The following CABYR variants were observed in gnomAD, a reference collection of about 807,000 sequenced individuals.
The protein encoded by CABYR is calcium binding tyrosine phosphorylation regulated.
Under a neutral mutation model 36.1 loss-of-function variants are expected in CABYR, and 31 were observed. The observed-to-expected ratio is 0.86, with a 90% CI of 0.64 to 1.16. The LOEUF (loss-of-function observed/expected upper bound fraction) is 1.16. CABYR is among the 50% of genes most tolerant of loss of function. CABYR has a pLI of 0.00. For synonymous variants in CABYR, 146 were observed against 160.7 expected (o/e 0.91, Z 0.69); for missense variants, 429 against 455.8 (o/e 0.94, Z 0.53).
intron 4 of CABYR, among the ~76,000 whole-genome samples, chr18:24,157,491 T>C (rs2085821609): frequency 6.6e-6 from 1 of 152,120 alleles, no homozygotes; most frequent in Non-Finnish European, 1.5e-5. Flanking sequence ...GTAACCAGGT[T>C]TGGGGTGCTG....
chr18:24,140,396 G>C (rs2085283741), intron 1 of CABYR: 1 of 152,106 alleles, frequency 6.6e-6, no homozygotes, highest in African/African-American at 2.4e-5. Flanking sequence ...GTGGGACTGC[G>C]GAATCCCCAC....
chr18:24,160,223 C>G (rs2085918733), intron 5 of CABYR, 154 bp downstream of exon 5: 1 of 622,168 alleles, frequency 1.6e-6, no homozygotes, highest in South Asian at 2.0e-5. Flanking sequence ...TCTCCAACTT[C>G]CTAAACACCA....
chr18:24,155,945 GACT>G lies in CABYR; in HGVS notation c.450_452del (p.Thr151del), dbSNP rs757724792. The G allele has an allele frequency of 6.2e-7, 1 of 1,614,140 alleles. No individual in the cohort carries two copies. On this transcript the variant is annotated inframe_deletion, in exon 4 of 6. Coordinates refer to ENST00000399496, the MANE Select transcript of CABYR (RefSeq NM_153769.3). ...TTTCTTCCAAACCAGCCACCCCTAAGACTACTACCCCACCCTCATCACCACCTC... is the reference window on the plus strand; with the variant it reads ...TTTCTTCCAAACCAGCCACCCCTAAGACTACCCCACCCTCATCACCACCTC...
chr18:24,142,947 C>T (rs771517312), intron 1 of CABYR, 144 bp from the exon 2 acceptor site: 21 of 472,736 alleles, frequency 4.4e-5, no homozygotes, highest in Admixed American at 1.2e-4. Flanking sequence ...GCTGGAGAAT[C>T]GCTTGAACCT....
chr18:24,143,362 A>C lies in CABYR; in HGVS notation c.148A>C (p.Asn50His). ...YFQELTMYRG[N>H]TTMDIKDLVK... is the part of the protein sequence containing the mutation. ...ATTTCCTGTATTGATTCCTTCAGGGAATACTACTATGGATATAAAAGATCT... is the reference window on the plus strand; with the variant it reads ...ATTTCCTGTATTGATTCCTTCAGGGCATACTACTATGGATATAAAAGATCT... Residue 50 changes from asparagine to histidine, a missense_variant and splice_region_variant, in exon 3 of 6, where the codon AAT (asparagine) becomes CAT (histidine). Transcript: ENST00000399496. 1 of 1,591,196 alleles carries C rather than the reference A, an allele frequency of 6.3e-7. No homozygotes were observed. The highest frequency in any genetic ancestry group is 8.6e-7 in the Non-Finnish European group (1 of 1,164,044).
At chr18:24,156,495 C>T in intron 4 of CABYR, 1 of 1,613,614 alleles carries the variant, frequency 6.2e-7, no homozygotes, top group Non-Finnish European at 8.5e-7. Flanking sequence ...AGAAAATGAG[C>T]AGTCAAAAGA....
At chr18:24,149,875 CT>C (rs1292939413) in intron 3 of CABYR, among the ~76,000 whole-genome samples, 1 of 152,240 alleles carries the variant, frequency 6.6e-6, no homozygotes, top group Non-Finnish European at 1.5e-5. Flanking sequence ...CCCATGCCCA[CT>C]CGGAACTCCA....
At chr18:24,160,226 A>AAAC (rs2085919131) in intron 5 of CABYR, 157 bp downstream of exon 5, 1 of 618,698 alleles carries the variant, frequency 1.6e-6, no homozygotes, top group Non-Finnish European at 2.8e-6. Flanking sequence ...CCAACTTCCT[A>AAAC]AACACCAGTT....
At chr18:24,148,675 T>G (rs2085520630) in intron 3 of CABYR, 1 of 152,818 alleles carries the variant, frequency 6.5e-6, no homozygotes, top group African/African-American at 2.4e-5. Context: ...TTCTTCCTTC[T>G]GGTGGGTTCG....
chr18:24,151,096 C>T (rs980782043), intron 3 of CABYR, among the ~76,000 whole-genome samples: 21 of 152,056 alleles, frequency 1.4e-4, no homozygotes, highest in African/African-American at 5.1e-4. Context: ...CATTCCATGC[C>T]AGAATATGTC....
chr18:24,159,259 G>T (rs117559281), intron 4 of CABYR, among the ~76,000 whole-genome samples: 128 of 152,290 alleles, frequency 8.4e-4, no homozygotes, highest in Middle Eastern at 3.4e-3. Flanking sequence ...TAGTGTCCCT[G>T]CCACTTGCCA....
chr18:24,147,583 A>G (rs1169136215), intron 3 of CABYR, among the ~76,000 whole-genome samples: 2 of 152,206 alleles, frequency 1.3e-5, no homozygotes, highest in Admixed American at 6.5e-5. Flanking sequence ...CTTCTTTTTA[A>G]TCAGCTTTAT....
intron 5 of CABYR, among the ~76,000 whole-genome samples, 199 bp from the exon 6 acceptor site, chr18:24,161,317 A>ACTT (rs1200475441): frequency 6.6e-6 from 1 of 152,216 alleles, no homozygotes; most frequent in Non-Finnish European, 1.5e-5. Context: ...CTCTTTATGG[A>ACTT]CTTCTGGTGG....
chr18:24,152,073 AAC>A (rs922190617), intron 3 of CABYR, among the ~76,000 whole-genome samples: 5 of 152,352 alleles, frequency 3.3e-5, no homozygotes, highest in South Asian at 2.1e-4. Flanking sequence ...ATAAGTATAT[AAC>A]ACACACATAT....
chr18:24,154,119 AAAAAAAAAAT>A (rs1198829441), intron 3 of CABYR, among the ~76,000 whole-genome samples: 1 of 150,998 alleles, frequency 6.6e-6, no homozygotes, highest in African/African-American at 2.4e-5. Context: ...AAAAAAAAAA[AAAAAAAAAAT>A]TTTTCCCCTC....
chr18:24,150,794 T>TG (rs2085608613), intron 3 of CABYR, among the ~76,000 whole-genome samples: 1 of 150,208 alleles, frequency 6.7e-6, no homozygotes, highest in East Asian at 2.0e-4. Context: ...TTTTTTTTTT[T>TG]TTTTGAGACG....
chr18:24,156,877 T>C (rs757585802), intron 4 of CABYR: 1 of 1,614,084 alleles, frequency 6.2e-7, no homozygotes, highest in Non-Finnish European at 8.5e-7. Context: ...GCAGAAGCAG[T>C]GCACTCAGGT....
At chr18:24,154,566 A>G (rs1227816434) in intron 3 of CABYR, among the ~76,000 whole-genome samples, 4 of 152,178 alleles carry the variant, frequency 2.6e-5, no homozygotes, top group Middle Eastern at 3.2e-3. Flanking sequence ...GCAGGACACT[A>G]TTTTTCAGAA....
At chr18:24,143,022 CAAAAAA>C in intron 1 of CABYR, 63 bp from the exon 2 acceptor site, 9 of 694,714 alleles carry the variant, frequency 1.3e-5, no homozygotes, top group African/African-American at 5.2e-5. Flanking sequence ...GACAGAGTCT[CAAAAAA>C]AAAAAAAAAA....
Sources: allele counts gnomAD v4.1 joint callset (sites outside exome capture counted in the v4.1 genomes callset), GRCh38; gene constraint gnomAD v4.1.1; transcripts MANE v1.5; gene names NCBI Gene and HGNC (gene_info 2026-07-23, HGNC 2026-07-21).